UGT1A8: variants seen among roughly 807,000 people sequenced by gnomAD.
UGT1A8 encodes the protein UDP-glucuronosyltransferase 1A8.
In UGT1A8, 39 loss-of-function variants were observed where a neutral mutation model predicts 45.3. That is an observed-to-expected ratio of 0.86 (90% CI 0.67 to 1.12). The LOEUF (loss-of-function observed/expected upper bound fraction) is 1.12, where lower values mean the gene tolerates loss of function less well. Among genes scored for constraint, UGT1A8 ranks in the 50% most tolerant of loss-of-function variants. The probability of loss-of-function intolerance (pLI) is 0.00; values close to 1 mark genes in which losing one functional copy is unlikely to be tolerated. For synonymous variants in UGT1A8, 275 were observed against 249.2 expected (o/e 1.10, Z -0.97); for missense variants, 719 against 664.9 (o/e 1.08, Z -0.90).
At chr2:233,733,104 CTGTT>C (rs892202373) in intron 1 of UGT1A8, among the ~76,000 whole-genome samples, 2 of 152,132 alleles carry the variant, frequency 1.3e-5, no homozygotes, top group African/African-American at 4.8e-5. Context: ...TGGTTTGGCT[CTGTT>C]TGTCTGTTAT....
At chr2:233,621,385 G>A (rs752673211) in intron 1 of UGT1A8, among the ~76,000 whole-genome samples, 6 of 152,090 alleles carry the variant, frequency 3.9e-5, no homozygotes, top group Non-Finnish European at 8.8e-5. Context: ...TTCGGGCTTC[G>A]TCTATACCAT....
chr2:233,769,756 A>G lies in UGT1A8; in HGVS notation c.1295+1317A>G. 2 of 1,425,682 alleles carry G rather than the reference A, an allele frequency of 1.4e-6. No individual in the cohort carries two copies. Among genetic ancestry groups the G allele is most frequent in the Non-Finnish European group, 1.8e-6 (2 of 1,086,462 alleles). The allele number at this position is 1,425,682 out of a possible 1,614,324, so 88.3% of individuals were successfully genotyped here. ...TGTAGTCCCAGCCACTCTGGAGGCT[A>G]AGGCGGGAGGATTGCTTGAGCCCAG... On this transcript the variant is annotated intron_variant, in intron 4 of 4. Transcript: ENST00000373450. The surrounding 1 kb of genome is among the most constrained non-coding windows in gnomAD (Gnocchi z 4.4).
At chr2:233,706,753 C>T (rs1051377553) in intron 1 of UGT1A8, among the ~76,000 whole-genome samples, 3 of 152,174 alleles carry the variant, frequency 2.0e-5, no homozygotes, top group African/African-American at 7.2e-5. Context: ...AAGCAGAGTG[C>T]CGTACACTGG....
chr2:233,656,734 G>A (rs1277185874), intron 1 of UGT1A8, among the ~76,000 whole-genome samples: 3 of 152,068 alleles, frequency 2.0e-5, no homozygotes, highest in African/African-American at 4.8e-5. Flanking sequence ...CTTCTGTCCC[G>A]TCGTGGCTGT....
chr2:233,652,461 TC>T (rs1297164147), intron 1 of UGT1A8, among the ~76,000 whole-genome samples: 1 of 152,180 alleles, frequency 6.6e-6, no homozygotes, highest in African/African-American at 2.4e-5. Context: ...TATCATTCTA[TC>T]CCCAAATACT....
chr2:233,716,731 A>G (rs28898604), intron 1 of UGT1A8, among the ~76,000 whole-genome samples: 1,732 of 152,296 alleles, frequency 0.011, 26 homozygotes, highest in African/African-American at 0.04. Context: ...TTATATGTTT[A>G]GCTCTGTGAG....
chr2:233,628,947 T>C (rs540167055), intron 1 of UGT1A8, among the ~76,000 whole-genome samples: 1 of 152,148 alleles, frequency 6.6e-6, no homozygotes, highest in Admixed American at 6.6e-5. Context: ...TATTTAATCA[T>C]TAATTGTGGT....
At chr2:233,637,390 T>C (rs752979420) in intron 1 of UGT1A8, 115 of 1,608,022 alleles carry the variant, frequency 7.2e-5, no homozygotes, top group Non-Finnish European at 9.6e-5. Context: ...AAGTCACCTC[T>C]CCTTTAGCAC....
At chr2:233,665,338 A>C (rs2074051883) in intron 1 of UGT1A8, among the ~76,000 whole-genome samples, 1 of 152,220 alleles carries the variant, frequency 6.6e-6, no homozygotes, top group Non-Finnish European at 1.5e-5. Flanking sequence ...ACACTCTTTA[A>C]TACTTTCTTT....
chr2:233,756,853 G>A (rs1211591788), intron 1 of UGT1A8, among the ~76,000 whole-genome samples: 2 of 151,934 alleles, frequency 1.3e-5, no homozygotes, highest in Non-Finnish European at 2.9e-5. Flanking sequence ...ACATTCTAAC[G>A]GTTCATAAAG....
chr2:233,702,618 A>C (rs2075696655), intron 1 of UGT1A8, among the ~76,000 whole-genome samples: 1 of 152,122 alleles, frequency 6.6e-6, no homozygotes, highest in Non-Finnish European at 1.5e-5. Context: ...CCCCCACATT[A>C]TGAGATTGAG....
chr2:233,680,224 G>T (rs997361200), intron 1 of UGT1A8, among the ~76,000 whole-genome samples: 8 of 152,048 alleles, frequency 5.3e-5, no homozygotes, highest in Non-Finnish European at 1.2e-4. Context: ...TCCCATGGTG[G>T]TATTCAAGGT....
intron 1 of UGT1A8, among the ~76,000 whole-genome samples, chr2:233,736,234 T>C (rs1035352456): frequency 6.6e-5 from 10 of 152,188 alleles, no homozygotes; most frequent in African/African-American, 2.4e-4. Flanking sequence ...TCTCTAACCT[T>C]GTCTTCTCAC....
chr2:233,722,328 T>C (rs2077007170), intron 1 of UGT1A8, among the ~76,000 whole-genome samples: 1 of 152,230 alleles, frequency 6.6e-6, no homozygotes, highest in African/African-American at 2.4e-5. Flanking sequence ...GGTTGACCCT[T>C]AGATTTGAAA....
intron 1 of UGT1A8, among the ~76,000 whole-genome samples, chr2:233,670,646 T>C (rs550093756): frequency 2.8e-4 from 42 of 152,360 alleles, no homozygotes; most frequent in Middle Eastern, 6.8e-3. Context: ...GTGTGGTGTC[T>C]ATTCATTCTT....
intron 1 of UGT1A8, among the ~76,000 whole-genome samples, chr2:233,759,541 C>T (rs1020987350): frequency 6.6e-6 from 1 of 152,092 alleles, no homozygotes; most frequent in Admixed American, 6.6e-5. Context: ...TGTTCACATG[C>T]GCTCCAGTGA....
chr2:233,685,839 G>A (rs1161288119), intron 1 of UGT1A8, among the ~76,000 whole-genome samples: 2 of 152,034 alleles, frequency 1.3e-5, no homozygotes, highest in African/African-American at 4.8e-5. Flanking sequence ...AAAAAATAAG[G>A]AAAATTTGTT....
At position 233,769,881 on chromosome 2, in the gene UGT1A8, G is replaced by A. The variant is rs1425583978; in HGVS notation, c.1295+1442G>A. The A allele has an allele frequency of 1.5e-5, 6 of 409,146 alleles. No homozygotes were observed. The highest frequency in any genetic ancestry group is 2.0e-5 in the African/African-American group (1 of 48,904). 25.3% of individuals were successfully genotyped at this position (409,146 alleles called of 1,614,324 possible). Reference sequence around the variant, plus strand: ...TCAAAAAAAAAAAAAAAAATGAAAAGTCCACATAACCTGAGCATCATGTGC... The same window carrying A: ...TCAAAAAAAAAAAAAAAAATGAAAAATCCACATAACCTGAGCATCATGTGC... On this transcript the variant is annotated intron_variant, in intron 4 of 4. Coordinates refer to ENST00000373450, the MANE Select transcript of UGT1A8 (RefSeq NM_019076.5). This position sits in a 1 kb window ranked among gnomAD's most constrained non-coding sequence, Gnocchi z 4.4.
chr2:233,724,777 C>T (rs924774520), intron 1 of UGT1A8, among the ~76,000 whole-genome samples: 6 of 142,286 alleles, frequency 4.2e-5, no homozygotes, highest in African/African-American at 8.1e-5. Flanking sequence ...CAGAGACACT[C>T]CTCACTTCCC....
Sources: gnomAD v4.1 joint callset for allele counts (sites outside exome capture counted in the v4.1 genomes callset) on GRCh38, gnomAD v4.1.1 for gene constraint, Gnocchi (gnomAD v3.1) non-coding constraint, MANE v1.5 for transcripts, NCBI Gene and HGNC (gene_info 2026-07-23, HGNC 2026-07-21) for gene names.